GLI2: variants seen among roughly 807,000 people sequenced by gnomAD.
The protein encoded by GLI2 is transcription activator GLI2.
GLI2 carries 22 observed loss-of-function variants against 78.9 expected under a neutral mutation model. The observed-to-expected ratio is 0.28, with a 90% CI of 0.20 to 0.40. GLI2 has a LOEUF of 0.40. Ranked by LOEUF, GLI2 falls within the 10% of genes least tolerant of loss-of-function variation. The pLI is 1.00. For missense variants in GLI2, 2,097 were observed against 2,213.2 expected, an observed-to-expected ratio of 0.95 and a Z score of 1.05; for synonymous variants, 974 against 963.7, an observed-to-expected ratio of 1.01 and a Z score of -0.20.
At chr2:120,889,149 C>T (rs1468178147) in intron 2 of GLI2, among the ~76,000 whole-genome samples, 1 of 152,192 alleles carries the variant, frequency 6.6e-6, no homozygotes, top group African/African-American at 2.4e-5. Context: ...CTCTTTTAGC[C>T]CTTTTCTGCC....
At chr2:120,943,743 G>A (rs900776483) in intron 3 of GLI2, among the ~76,000 whole-genome samples, 13 of 152,196 alleles carry the variant, frequency 8.5e-5, no homozygotes, top group South Asian at 6.2e-4. Context: ...CATGCCAAGG[G>A]TGGGCTTCTC....
rs762955703 is a variant in GLI2, at chr2:120,974,981, C to G, written c.1189C>G (p.Leu397Val). The G allele has an allele frequency of 3.7e-6, 6 of 1,614,250 alleles. No homozygotes were observed. The highest frequency in any genetic ancestry group is 5.1e-6 in the Non-Finnish European group (6 of 1,180,042). Residue 397 changes from leucine to valine, a missense_variant, in exon 9 of 14, where the codon CTG (leucine) becomes GTG (valine). Transcript: ENST00000361492. ...ASPLALTQEQ[L>V]ADLKEDLDRD... ...TGCCCTTCCCCTCTCCCAGGAGCAGCTGGCTGACCTCAAGGAAGATCTGGA... is the reference window on the plus strand; with the variant it reads ...TGCCCTTCCCCTCTCCCAGGAGCAGGTGGCTGACCTCAAGGAAGATCTGGA...
intron 2 of GLI2, among the ~76,000 whole-genome samples, chr2:120,908,323 C>T (rs1678646881): frequency 6.6e-6 from 1 of 152,180 alleles, no homozygotes; most frequent in Non-Finnish European, 1.5e-5. Context: ...CAGGGTGACT[C>T]ATTTGTGCAC....
chr2:120,963,998 C>T (rs1318731536), intron 5 of GLI2, among the ~76,000 whole-genome samples: 1 of 152,236 alleles, frequency 6.6e-6, no homozygotes, highest in Non-Finnish European at 1.5e-5. Flanking sequence ...CCACTGGGCT[C>T]ATGGCTGTGC....
chr2:120,978,396 G>A (rs745801779), intron 9 of GLI2, 38 bp from the exon 10 acceptor site: 2 of 1,613,388 alleles, frequency 1.2e-6, no homozygotes, highest in South Asian at 2.2e-5. Flanking sequence ...TGGGCCTCTG[G>A]CCCTGCTTAC....
chr2:120,836,181 C>T (rs944635632), intron 2 of GLI2, among the ~76,000 whole-genome samples: 1 of 152,200 alleles, frequency 6.6e-6, no homozygotes, highest in Non-Finnish European at 1.5e-5. Context: ...CCATCACCCT[C>T]TTCTATCTCC....
intron 1 of GLI2, among the ~76,000 whole-genome samples, chr2:120,781,412 GGCCCGGGAT>G (rs1683843819): frequency 6.6e-6 from 1 of 152,184 alleles, no homozygotes; most frequent in Non-Finnish European, 1.5e-5. Flanking sequence ...CCCATTCTGA[GGCCCGGGAT>G]GCTCCCCCTG....
At chr2:120,935,993 G>C (rs1310956209) in intron 3 of GLI2, among the ~76,000 whole-genome samples, 2 of 152,158 alleles carry the variant, frequency 1.3e-5, no homozygotes, top group African/African-American at 2.4e-5. Context: ...TTGATGTGCA[G>C]GCCGAGGTGG....
intron 9 of GLI2, among the ~76,000 whole-genome samples, chr2:120,976,860 G>C (rs1682478350): frequency 6.6e-6 from 1 of 152,246 alleles, no homozygotes; most frequent in Non-Finnish European, 1.5e-5. Context: ...TCCCTGGAAA[G>C]ATGGATGGAG....
chr2:120,950,529 G>A (rs1238210751), intron 3 of GLI2, among the ~76,000 whole-genome samples: 1 of 152,218 alleles, frequency 6.6e-6, no homozygotes, highest in African/African-American at 2.4e-5. Flanking sequence ...CCCTGGCCAT[G>A]CCAGCCCAAG....
At chr2:120,896,747 G>A (rs1472941964) in intron 2 of GLI2, among the ~76,000 whole-genome samples, 2 of 138,572 alleles carry the variant, frequency 1.4e-5, no homozygotes, top group African/African-American at 2.8e-5. Context: ...AGCCTTCTTC[G>A]GAGGCCTTGG....
chr2:120,913,495 A>G (rs1224600926), intron 2 of GLI2, among the ~76,000 whole-genome samples: 4 of 152,180 alleles, frequency 2.6e-5, no homozygotes, highest in Non-Finnish European at 5.9e-5. Context: ...AAAATTTACA[A>G]TAACATATGT....
chr2:120,850,953 AGAG>A (rs535082953), intron 2 of GLI2, among the ~76,000 whole-genome samples: 6 of 152,228 alleles, frequency 3.9e-5, no homozygotes, highest in Non-Finnish European at 8.8e-5. Flanking sequence ...AGAGGAATTA[AGAG>A]CAGGAACATT....
chr2:120,921,268 G>A (rs1000877411), intron 2 of GLI2, among the ~76,000 whole-genome samples: 2 of 136,564 alleles, frequency 1.5e-5, no homozygotes, highest in African/African-American at 3.7e-5. Context: ...GTGTGTTGGT[G>A]GGGGGTGTTG....
chr2:120,855,280 GTCAGCT>G (rs1417193598), intron 2 of GLI2, among the ~76,000 whole-genome samples: 2 of 152,226 alleles, frequency 1.3e-5, no homozygotes, highest in African/African-American at 4.8e-5. Flanking sequence ...GGAGGCAGCT[GTCAGCT>G]GTGGCACCAT....
chr2:120,973,395 C>T (rs375740578), intron 8 of GLI2, among the ~76,000 whole-genome samples: 5 of 152,256 alleles, frequency 3.3e-5, no homozygotes, highest in Non-Finnish European at 7.3e-5. Flanking sequence ...TGCCCGCCCT[C>T]CAACCCTGGC....
intron 1 of GLI2, among the ~76,000 whole-genome samples, chr2:120,753,848 G>T (rs1342772211): frequency 2.0e-5 from 3 of 151,340 alleles, no homozygotes; most frequent in South Asian, 4.2e-4. Flanking sequence ...CAGTGATCTT[G>T]GCTCACGCGG....
At chr2:120,736,322 T>G (rs1254350714) in intron 1 of GLI2, 37 bp downstream of exon 1, 2 of 151,834 alleles carry the variant, frequency 1.3e-5, no homozygotes, top group African/African-American at 4.8e-5. Flanking sequence ...TTGCTTTTCG[T>G]GACGAAGCGC....
chr2:120,778,333 C>T (rs1286703156), intron 1 of GLI2, among the ~76,000 whole-genome samples: 1 of 152,180 alleles, frequency 6.6e-6, no homozygotes, highest in Non-Finnish European at 1.5e-5. Context: ...GACGTTAGCT[C>T]CTCACAGCGT....
Sources: allele counts gnomAD v4.1 joint callset (sites outside exome capture counted in the v4.1 genomes callset), GRCh38; gene constraint gnomAD v4.1.1; transcripts MANE v1.5; gene names NCBI Gene and HGNC (gene_info 2026-07-23, HGNC 2026-07-21).